DLG2: variants seen among roughly 807,000 people sequenced by gnomAD.
The protein encoded by DLG2 is disks large homolog 2.
In DLG2, 45 loss-of-function variants were observed where a neutral mutation model predicts 132.5. The observed-to-expected ratio is 0.34, with a 90% CI of 0.27 to 0.44. The LOEUF (loss-of-function observed/expected upper bound fraction) is 0.44, where lower values mean the gene tolerates loss of function less well. Among genes scored for constraint, DLG2 ranks in the 20% least tolerant of loss-of-function variants. DLG2 has a pLI of 1.00. For synonymous variants in DLG2, 424 were observed against 419.6 expected (o/e 1.01, Z -0.13); for missense variants, 1,045 against 1,196.9 (o/e 0.87, Z 1.87).
intron 7 of DLG2, among the ~76,000 whole-genome samples, chr11:84,284,252 G>T (rs2097884970): frequency 6.6e-6 from 1 of 152,096 alleles, no homozygotes; most frequent in South Asian, 2.1e-4. Flanking sequence ...ATCAAACCTG[G>T]CATCTGACCC....
At chr11:84,132,639 A>G (rs2094461425) in intron 9 of DLG2, among the ~76,000 whole-genome samples, 1 of 152,054 alleles carries the variant, frequency 6.6e-6, no homozygotes, top group Admixed American at 6.6e-5. Flanking sequence ...AAACAAAACA[A>G]GGATGATTAC....
chr11:83,993,347 G>A (rs1202881900), intron 11 of DLG2, among the ~76,000 whole-genome samples: 3 of 152,100 alleles, frequency 2.0e-5, no homozygotes, highest in Non-Finnish European at 4.4e-5. Context: ...AGATATGTAT[G>A]CTTTAGTTGA....
chr11:83,715,566 T>C (rs779418112), intron 18 of DLG2, among the ~76,000 whole-genome samples: 26 of 152,220 alleles, frequency 1.7e-4, no homozygotes, highest in Non-Finnish European at 3.1e-4. Flanking sequence ...CTTTGTTCAC[T>C]GCAGAGAGAT....
intron 7 of DLG2, among the ~76,000 whole-genome samples, chr11:84,269,340 T>C (rs769664367): frequency 3.9e-5 from 6 of 152,158 alleles, no homozygotes; most frequent in Non-Finnish European, 4.4e-5. Context: ...CATGGAAAAA[T>C]AGACTGTGTT....
At chr11:83,488,114 C>G (rs2093632244) in intron 21 of DLG2, among the ~76,000 whole-genome samples, 1 of 151,946 alleles carries the variant, frequency 6.6e-6, no homozygotes, top group Non-Finnish European at 1.5e-5. Context: ...AAAAAGGACC[C>G]TCTCCCCAAT....
intron 7 of DLG2, among the ~76,000 whole-genome samples, chr11:84,483,342 G>T (rs187695175): frequency 1.4e-5 from 2 of 146,554 alleles, no homozygotes; most frequent in African/African-American, 5.1e-5. Flanking sequence ...TAAGGCAGAA[G>T]AATCCCTTGA....
intron 14 of DLG2, among the ~76,000 whole-genome samples, chr11:83,945,196 A>C (rs1481972520): frequency 6.6e-6 from 1 of 152,182 alleles, no homozygotes; most frequent in Non-Finnish European, 1.5e-5. Flanking sequence ...GAATCGCTTG[A>C]ACTCGGGAGG....
intron 3 of DLG2, among the ~76,000 whole-genome samples, chr11:85,294,907 A>T (rs568462563): frequency 6.6e-6 from 1 of 152,308 alleles, no homozygotes; most frequent in African/African-American, 2.4e-5. Context: ...GGAACACAGT[A>T]TTTTTGTGGC....
intron 6 of DLG2, among the ~76,000 whole-genome samples, chr11:84,784,912 T>G (rs1314121354): frequency 6.6e-6 from 1 of 152,092 alleles, no homozygotes; most frequent in Non-Finnish European, 1.5e-5. Context: ...AATAATACAT[T>G]GTATTTTTGA....
intron 7 of DLG2, among the ~76,000 whole-genome samples, chr11:84,309,944 T>C (rs553392334): frequency 6.6e-6 from 1 of 152,342 alleles, no homozygotes; most frequent in Non-Finnish European, 1.5e-5. Context: ...AAGTATCTTA[T>C]TCTGGTGTTA....
intron 6 of DLG2, among the ~76,000 whole-genome samples, chr11:85,072,459 G>T (rs1225291913): frequency 6.6e-6 from 1 of 151,772 alleles, no homozygotes; most frequent in Admixed American, 6.6e-5. Context: ...CCAAATGCAG[G>T]CATTCAGCAA....
chr11:83,855,957 AGTT>A (rs1339383447), intron 16 of DLG2, among the ~76,000 whole-genome samples: 3 of 152,184 alleles, frequency 2.0e-5, no homozygotes, highest in African/African-American at 7.2e-5. Flanking sequence ...AGTATCTATT[AGTT>A]ATTTTTCCTG....
At chr11:83,866,921 T>A (rs776987936) in intron 16 of DLG2, among the ~76,000 whole-genome samples, 4 of 152,188 alleles carry the variant, frequency 2.6e-5, no homozygotes, top group Non-Finnish European at 2.9e-5. Context: ...TTCTTCCTAG[T>A]CCTGCTGGGC....
chr11:84,258,724 T>C (rs952493597), intron 7 of DLG2, among the ~76,000 whole-genome samples: 1 of 152,186 alleles, frequency 6.6e-6, no homozygotes, highest in Non-Finnish European at 1.5e-5. Flanking sequence ...TCCATAATGG[T>C]AACTCCAACA....
intron 3 of DLG2, among the ~76,000 whole-genome samples, chr11:85,500,963 C>A (rs1313188770): frequency 6.6e-6 from 1 of 152,174 alleles, no homozygotes; most frequent in Non-Finnish European, 1.5e-5. Context: ...ATAGCCAAGA[C>A]AATCCTTGGC....
intron 18 of DLG2, among the ~76,000 whole-genome samples, chr11:83,639,312 T>A (rs984666387): frequency 2.0e-5 from 3 of 152,134 alleles, no homozygotes; most frequent in African/African-American, 2.4e-5. Flanking sequence ...GGTTAGAAAC[T>A]CTATGTTATG....
intron 16 of DLG2, among the ~76,000 whole-genome samples, chr11:83,854,189 T>C (rs2060175649): frequency 6.6e-6 from 1 of 151,986 alleles, no homozygotes; most frequent in African/African-American, 2.4e-5. Flanking sequence ...ACAAGACCTA[T>C]ATGAAAAAAA....
intron 6 of DLG2, among the ~76,000 whole-genome samples, chr11:84,752,676 T>A (rs1010750918): frequency 6.9e-5 from 10 of 145,698 alleles, no homozygotes; most frequent in African/African-American, 2.5e-4. Context: ...CACTAACGCG[T>A]CATCTAGCAT....
intron 9 of DLG2, among the ~76,000 whole-genome samples, chr11:84,119,135 G>C (rs1471304844): frequency 6.6e-6 from 1 of 151,612 alleles, no homozygotes; most frequent in Non-Finnish European, 1.5e-5. Flanking sequence ...TATGGCAAAA[G>C]TGACAACCTC....
Sources: allele counts gnomAD v4.1 joint callset (sites outside exome capture counted in the v4.1 genomes callset), GRCh38; gene constraint gnomAD v4.1.1; transcripts MANE v1.5; gene names NCBI Gene and HGNC (gene_info 2026-07-23, HGNC 2026-07-21).